The following XIAP variants were observed in gnomAD, a reference collection of about 807,000 sequenced individuals.
The protein encoded by XIAP is E3 ubiquitin-protein ligase XIAP.
A neutral mutation model predicts 33.1 loss-of-function variants in XIAP; 3 were observed. That is an observed-to-expected ratio of 0.09 (90% CI 0.04 to 0.23). XIAP has a LOEUF of 0.23. Among genes scored for constraint, XIAP ranks in the 10% least tolerant of loss-of-function variants. XIAP has a pLI of 1.00. For missense variants in XIAP, 264 were observed against 363.0 expected (o/e 0.73, Z 2.22); for synonymous variants, 98 against 121.3 (o/e 0.81, Z 1.26).
At chrX:123,863,496 G>T (rs1369798363) in intron 1 of XIAP, among the ~76,000 whole-genome samples, 1 of 111,357 alleles carries the variant, frequency 9.0e-6, no homozygotes, top group Non-Finnish European at 1.9e-5. Flanking sequence ...TAGTGATTAG[G>T]AGTTCAGCTG....
At chrX:123,906,879 CGG>C in intron 6 of XIAP, 107 bp from the exon 7 acceptor site, 1 of 922,833 alleles carries the variant, frequency 1.1e-6, no homozygotes, top group Admixed American at 2.6e-5. Flanking sequence ...TCATATCTCC[CGG>C]CACTTGTTGG....
At position 123,907,124 on chromosome X, in the gene XIAP, C is replaced by T. The variant is rs781127670; in HGVS notation, c.1437C>T (p.Asp479=). Reference sequence around the variant, plus strand: ...GTAAACAATGTGCTGAAGCAGTTGACAAGTGTCCCATGTGCTACACAGTCA... The same window carrying T: ...GTAAACAATGTGCTGAAGCAGTTGATAAGTGTCCCATGTGCTACACAGTCA... ...VTCKQCAEAV[D]KCPMCYTVIT... is the part of the protein sequence containing the mutation. Residue 479 remains aspartate, a synonymous_variant, in exon 7 of 7, where the codon GAC becomes GAT. Coordinates refer to ENST00000371199, the MANE Select transcript of XIAP (RefSeq NM_001167.4). 13 of 1,211,567 alleles carry T rather than the reference C, an allele frequency of 1.1e-5. No homozygotes were observed. Among genetic ancestry groups the T allele is most frequent in the East Asian group, 5.9e-5 (2 of 33,854 alleles).
intron 1 of XIAP, among the ~76,000 whole-genome samples, chrX:123,865,929 T>TG: frequency 9.5e-6 from 1 of 105,580 alleles, no homozygotes; most frequent in African/African-American, 3.4e-5. Context: ...TAATTTTTTT[T>TG]TTTTTGGTAT....
In XIAP at chrX:123,909,016, C is replaced by T. The variant is rs1434453640; in HGVS notation, c.*1835C>T. The T allele has an allele frequency of 3.3e-6, 1 of 301,685 alleles. No individual in the cohort carries two copies. Among genetic ancestry groups the T allele is most frequent in the Non-Finnish European group, 6.2e-6 (1 of 162,144 alleles). 24.9% of individuals were successfully genotyped at this position (301,685 alleles called of 1,213,427 possible). ...TAAGTGATATTCATTTAAAACATTG[C>T]AAATTTATTTTATTTATTTAATTTT... is the stretch of plus-strand genomic sequence containing the variant. On this transcript the variant is annotated 3_prime_UTR_variant, in exon 7 of 7. Transcript: ENST00000371199.
At chrX:123,891,516 T>G (rs775846440) in intron 4 of XIAP, among the ~76,000 whole-genome samples, 200 bp downstream of exon 4, 1 of 111,591 alleles carries the variant, frequency 9.0e-6, no homozygotes, top group Non-Finnish European at 1.9e-5. Flanking sequence ...AAATGTATGA[T>G]GGGCTTTAAA....
intron 1 of XIAP, among the ~76,000 whole-genome samples, chrX:123,874,869 A>ATTTTTTTTTTT (rs773693860): frequency 4.7e-5 from 2 of 42,804 alleles, no homozygotes; most frequent in African/African-American, 2.0e-4. Context: ...TAATTCTTGT[A>ATTTTTTTTTTT]TTTTTTTTTT....
rs1415415928 is a variant in XIAP at position 123,907,748 on chromosome X, A to G, written c.*567A>G. On this transcript the variant is annotated 3_prime_UTR_variant, in exon 7 of 7. Transcript: ENST00000371199. ...AATTATTTTTTTAAAGTGATTTGCC[A>G]TTTTTGAAAGCGTATTTAATGATAG... 1 of 379,884 alleles carries G rather than the reference A, an allele frequency of 2.6e-6. No homozygotes were observed. Among genetic ancestry groups the G allele is most frequent in the East Asian group, 5.6e-5 (1 of 17,810 alleles). 31.3% of individuals were successfully genotyped at this position (379,884 alleles called of 1,213,427 possible).
At chrX:123,887,270 G>A (rs888914292) in intron 2 of XIAP, among the ~76,000 whole-genome samples, 8 of 110,471 alleles carry the variant, frequency 7.2e-5, no homozygotes, top group Admixed American at 9.7e-5. Flanking sequence ...GGCTGGTCTC[G>A]AACTCCTGAC....
intron 2 of XIAP, among the ~76,000 whole-genome samples, chrX:123,887,439 A>G (rs1279585538): frequency 8.9e-6 from 1 of 112,501 alleles, no homozygotes; most frequent in African/African-American, 3.2e-5. Context: ...TTATACCATT[A>G]TATATTTGAC....
chrX:123,899,144 A>AAAAAAAAATATAT lies in XIAP; in HGVS notation c.1100-1348_1100-1347insAAAAAAATATATA, dbSNP rs1186271285. On this transcript the variant is annotated intron_variant, in intron 5 of 6. Coordinates refer to ENST00000371199, the MANE Select transcript of XIAP (RefSeq NM_001167.4). Reference sequence around the variant, plus strand: ...CAAAAAAAAAAAAAAAAAAAAAAAAAATATATATATATATATATATATGAT... The same window carrying AAAAAAAAATATAT: ...CAAAAAAAAAAAAAAAAAAAAAAAAAAAAAAAAATATATATATATATATATATATATATATGAT... Among the ~76,000 whole-genome samples, 6 of 50,165 alleles carry AAAAAAAAATATAT rather than the reference A, an allele frequency of 1.2e-4. 1 individual carries two copies. Among genetic ancestry groups the AAAAAAAAATATAT allele is most frequent in the African/African-American group, 5.1e-4 (6 of 11,847 alleles). The allele number at this position is 50,165 out of a possible 115,157, so 43.6% of individuals were successfully genotyped here.
intron 3 of XIAP, 107 bp downstream of exon 3, chrX:123,888,825 T>A: frequency 1.5e-6 from 1 of 657,142 alleles, no homozygotes; most frequent in Non-Finnish European, 2.4e-6. Flanking sequence ...GGCTTGAAAT[T>A]CATGCTAGGT....
intron 1 of XIAP, among the ~76,000 whole-genome samples, chrX:123,882,914 G>T (rs1259634276): frequency 9.0e-6 from 1 of 111,240 alleles, no homozygotes; most frequent in African/African-American, 3.3e-5. Context: ...AAGTAGCTGG[G>T]ATTACAGGCA....
intron 1 of XIAP, among the ~76,000 whole-genome samples, chrX:123,862,562 C>G (rs1307700296): frequency 9.2e-6 from 1 of 108,947 alleles, no homozygotes; most frequent in African/African-American, 3.3e-5. Context: ...TTTTAATAAA[C>G]CACAAGAAAA....
intron 1 of XIAP, among the ~76,000 whole-genome samples, chrX:123,865,083 A>T (rs1360299406): frequency 9.7e-6 from 1 of 103,319 alleles, no homozygotes; most frequent in Non-Finnish European, 2.0e-5. Context: ...TGAGGCTGGG[A>T]GATTATCATG....
At chrX:123,896,789 G>C (rs1368746961) in intron 5 of XIAP, among the ~76,000 whole-genome samples, 1 of 107,806 alleles carries the variant, frequency 9.3e-6, no homozygotes. Context: ...TCACCATGTT[G>C]GCCAGGCTTG....
intron 6 of XIAP, among the ~76,000 whole-genome samples, chrX:123,905,253 A>G (rs1477681505): frequency 3.6e-5 from 4 of 111,281 alleles, no homozygotes; most frequent in Non-Finnish European, 7.5e-5. Context: ...ATGATCAGGC[A>G]CCCTTTTGTA....
At chrX:123,874,869 A>ATTTTTTTTTTTTTTTTTTTTTTTTT (rs773693860) in intron 1 of XIAP, among the ~76,000 whole-genome samples, 1 of 42,802 alleles carries the variant, frequency 2.3e-5, no homozygotes. Flanking sequence ...TAATTCTTGT[A>ATTTTTTTTTTTTTTTTTTTTTTTTT]TTTTTTTTTT....
chrX:123,888,867 T>C (rs941799696), intron 3 of XIAP, 149 bp downstream of exon 3: 1 of 504,920 alleles, frequency 2.0e-6, no homozygotes, highest in Admixed American at 3.0e-5. Flanking sequence ...ATAAGCCTTC[T>C]CTGATGACCA....
At position 123,885,843 on chromosome X, in the gene XIAP, G is replaced by A. The variant is rs2148089430; in HGVS notation, c.181G>A (p.Val61Met). 8.3e-7 allele frequency: 1 copy of A among 1,211,919 alleles called. No individual in the cohort carries two copies. The highest frequency in any genetic ancestry group is 1.1e-6 in the Non-Finnish European group (1 of 895,513). Residue 61 changes from valine to methionine, a missense_variant, in exon 2 of 7, where the codon GTG (valine) becomes ATG (methionine). Transcript: ENST00000371199. The part of the protein sequence containing the change: ...GFLYTGEGDT[V>M]RCFSCHAAVD... ...TCTTTATACTGGTGAAGGAGATACC[G>A]TGCGGTGCTTTAGTTGTCATGCAGC...
Sources: allele counts gnomAD v4.1 joint callset (sites outside exome capture counted in the v4.1 genomes callset), GRCh38; gene constraint gnomAD v4.1.1; transcripts MANE v1.5; gene names NCBI Gene and HGNC (gene_info 2026-07-23, HGNC 2026-07-21).